Variants in AGBL1 observed in about 807,000 individuals in gnomAD.
AGBL1 encodes the protein AGBL carboxypeptidase 1.
AGBL1 carries 130 observed loss-of-function variants against 118.9 expected under a neutral mutation model. The observed-to-expected ratio is 1.09, with a 90% CI of 0.95 to 1.26. AGBL1 has a LOEUF of 1.26. AGBL1 is among the 50% of genes most tolerant of loss of function. AGBL1 has a pLI of 0.00. For missense variants in AGBL1, 1,584 were observed against 1,298.1 expected, an observed-to-expected ratio of 1.22 and a Z score of -3.38; for synonymous variants, 555 against 478.9, an observed-to-expected ratio of 1.16 and a Z score of -2.08.
intron 22 of AGBL1, among the ~76,000 whole-genome samples, chr15:86,732,444 C>T (rs956793876): frequency 6.6e-6 from 1 of 152,024 alleles, no homozygotes; most frequent in Non-Finnish European, 1.5e-5. Context: ...CCTTGTTTTC[C>T]AGATTTTCTG....
At chr15:86,496,017 A>G (rs897861453) in intron 18 of AGBL1, among the ~76,000 whole-genome samples, 3 of 151,610 alleles carry the variant, frequency 2.0e-5, no homozygotes, top group Non-Finnish European at 4.4e-5. Context: ...TCTTTTTTTT[A>G]AATTTTCAAC....
chr15:86,552,816 C>G (rs2083681988), intron 20 of AGBL1, among the ~76,000 whole-genome samples: 1 of 152,118 alleles, frequency 6.6e-6, no homozygotes, highest in South Asian at 2.1e-4. Context: ...TGTAGACACT[C>G]AAGTGAAGAT....
chr15:86,863,942 C>T (rs1476415923), intron 22 of AGBL1, among the ~76,000 whole-genome samples: 1 of 152,170 alleles, frequency 6.6e-6, no homozygotes, highest in Non-Finnish European at 1.5e-5. Context: ...ACTACTTAGC[C>T]TAGCACCTGG....
At chr15:86,108,513 C>G (rs536121097) in intron 1 of AGBL1, among the ~76,000 whole-genome samples, 1 of 152,260 alleles carries the variant, frequency 6.6e-6, no homozygotes, top group Admixed American at 6.5e-5. Flanking sequence ...GACATTGGTG[C>G]ATCCTTAACC....
chr15:86,820,781 A>T (rs1033297546), intron 22 of AGBL1, among the ~76,000 whole-genome samples: 2 of 152,204 alleles, frequency 1.3e-5, no homozygotes, highest in African/African-American at 4.8e-5. Context: ...ACAATTCCTC[A>T]AGGATCTAGA....
chr15:86,113,287 C>CT (rs548790563), intron 1 of AGBL1, among the ~76,000 whole-genome samples: 1,490 of 97,348 alleles, frequency 0.015, 31 homozygotes, highest in Middle Eastern at 0.024. Flanking sequence ...TTCTTTCTTT[C>CT]TTTTTTTTTT....
In AGBL1 at chr15:86,633,880, A is replaced by G. The variant is rs11073651; in HGVS notation, c.2995-40393A>G. On this transcript the variant is annotated intron_variant, in intron 21 of 22. Transcript: ENST00000614907. ...TATATATAATGTATATATATAATGT[A>G]TATATATATATATAATGTATATATA... Among the ~76,000 whole-genome samples, 22 of 8,526 alleles carry G rather than the reference A, an allele frequency of 2.6e-3. 1 individual carries two copies. Among genetic ancestry groups the G allele is most frequent in the African/African-American group, 4.2e-3 (17 of 4,046 alleles). The allele number at this position is 8,526 out of a possible 152,430, so 5.6% of individuals were successfully genotyped here.
chr15:86,584,729 G>A (rs569410938), intron 21 of AGBL1, among the ~76,000 whole-genome samples: 1 of 152,198 alleles, frequency 6.6e-6, no homozygotes, highest in African/African-American at 2.4e-5. Context: ...AATGATATTG[G>A]TAGTTTGATA....
Position 86,556,345 on chromosome 15 carries a change from G to A in AGBL1, c.2994+1808G>A, listed in dbSNP as rs16977804. On this transcript the variant is annotated intron_variant, in intron 21 of 22. Coordinates refer to ENST00000614907, the MANE Select transcript of AGBL1 (RefSeq NM_001386094.1). ...AAATGGCTTTTGCATTGGGTCACTA[G>A]AAGGAATAATGGAGGGAGAACTGGC... 3.3e-3 allele frequency: 4,804 copies of A among 1,434,376 alleles called. 119 individuals are homozygous for A. In the African/African-American group the frequency reaches 0.056, roughly 17 times the overall value. 88.9% of individuals were successfully genotyped at this position (1,434,376 alleles called of 1,614,324 possible).
chr15:86,721,027 AG>A (rs1255332065), intron 22 of AGBL1, among the ~76,000 whole-genome samples: 5 of 152,184 alleles, frequency 3.3e-5, no homozygotes, highest in Non-Finnish European at 5.9e-5. Context: ...AATCAAAAAA[AG>A]TCCAGGACCA....
intron 20 of AGBL1, among the ~76,000 whole-genome samples, chr15:86,553,674 T>C (rs983923781): frequency 4.6e-5 from 7 of 152,202 alleles, no homozygotes; most frequent in Non-Finnish European, 7.3e-5. Context: ...ATGTAGTCTG[T>C]AAATTTCAAG....
intron 21 of AGBL1, among the ~76,000 whole-genome samples, chr15:86,593,034 T>C (rs2084359411): frequency 6.6e-6 from 1 of 152,146 alleles, no homozygotes; most frequent in Non-Finnish European, 1.5e-5. Context: ...TTTATCTCTA[T>C]CCTCTCTCTT....
At chr15:86,998,949 G>C (rs1156782287) in intron 24 of AGBL1, among the ~76,000 whole-genome samples, 1 of 150,984 alleles carries the variant, frequency 6.6e-6, no homozygotes, top group African/African-American at 2.4e-5. Flanking sequence ...TGCCATGTTG[G>C]TGTGCTGCAC....
At chr15:86,154,123 C>T (rs956780447) in intron 3 of AGBL1, among the ~76,000 whole-genome samples, 22 of 151,922 alleles carry the variant, frequency 1.4e-4, no homozygotes, top group African/African-American at 5.1e-4. Context: ...ATTCTAGAAT[C>T]GTCTTAAAGG....
chr15:86,280,665 A>G (rs2079337494), intron 16 of AGBL1, among the ~76,000 whole-genome samples: 1 of 152,222 alleles, frequency 6.6e-6, no homozygotes, highest in African/African-American at 2.4e-5. Flanking sequence ...AGCCTGAAGG[A>G]TGAGCATTTT....
intron 18 of AGBL1, among the ~76,000 whole-genome samples, chr15:86,498,316 G>A (rs951674272): frequency 6.6e-6 from 1 of 151,880 alleles, no homozygotes; most frequent in Non-Finnish European, 1.5e-5. Flanking sequence ...TTGGGATTAT[G>A]TCTTAGTACC....
chr15:86,710,176 T>TA (rs1254905291), intron 22 of AGBL1, among the ~76,000 whole-genome samples: 6 of 48,000 alleles, frequency 1.3e-4, no homozygotes, highest in Non-Finnish European at 2.8e-4. Flanking sequence ...TTGCTGAACT[T>TA]AGAAAAAAAT....
chr15:86,544,489 A>G (rs138743695), intron 19 of AGBL1, among the ~76,000 whole-genome samples: 1 of 152,320 alleles, frequency 6.6e-6, no homozygotes, highest in African/African-American at 2.4e-5. Context: ...TTGTAAAGGA[A>G]AGAGGTTTAA....
At chr15:86,921,280 C>G (rs947366750) in intron 23 of AGBL1, among the ~76,000 whole-genome samples, 1 of 152,128 alleles carries the variant, frequency 6.6e-6, no homozygotes, top group African/African-American at 2.4e-5. Context: ...GGGACTTCCT[C>G]CAGGCTCCTC....
Sources: gnomAD v4.1 joint callset for allele counts (sites outside exome capture counted in the v4.1 genomes callset) on GRCh38, gnomAD v4.1.1 for gene constraint, MANE v1.5 for transcripts, NCBI Gene and HGNC (gene_info 2026-07-23, HGNC 2026-07-21) for gene names.